FAM186A: variants seen among roughly 807,000 people sequenced by gnomAD.
The protein encoded by FAM186A is family with sequence similarity 186 member A.
In FAM186A, 163 loss-of-function variants were observed where a neutral mutation model predicts 216.8. That is an observed-to-expected ratio of 0.75 (90% confidence interval 0.66 to 0.86). The LOEUF (loss-of-function observed/expected upper bound fraction) is 0.86, where lower values mean the gene tolerates loss of function less well. Among genes scored for constraint, FAM186A ranks in the 40% least tolerant of loss-of-function variants. The pLI is 0.00. For synonymous variants in FAM186A, 805 were observed against 1,025.3 expected, an observed-to-expected ratio of 0.79 and a Z score of 4.10; for missense variants, 2,184 against 2,746.2, an observed-to-expected ratio of 0.80 and a Z score of 4.58.
At position 50,347,459 on chromosome 12, in the gene FAM186A, G is replaced by A. The variant is rs1034624689; in HGVS notation, c.6503+2870C>T. Among the ~76,000 whole-genome samples, 87 of 151,960 alleles carry A rather than the reference G, an allele frequency of 5.7e-4. 1 individual carries two copies. The highest frequency in any genetic ancestry group is 5.2e-4 in the Admixed American group (8 of 15,248). Reference sequence around the variant, plus strand: ...TCAATAGAAAATAATAGCTGGGCGCGGTGGCTCACACCTGTAATCCCAGCA... The same window carrying A: ...TCAATAGAAAATAATAGCTGGGCGCAGTGGCTCACACCTGTAATCCCAGCA... On this transcript the variant is annotated intron_variant, in intron 4 of 7. Transcript: ENST00000327337.
At chr12:50,383,664 G>T (rs1354336819) in intron 1 of FAM186A, among the ~76,000 whole-genome samples, 1 of 152,096 alleles carries the variant, frequency 6.6e-6, no homozygotes, top group Admixed American at 6.6e-5. Flanking sequence ...ACTGGTCTGT[G>T]GTTGTTTTTC....
In FAM186A at chr12:50,396,413, G is replaced by T. The variant is rs1285814335; in HGVS notation, c.72C>A (p.Ile24=). 3 of 1,551,534 alleles carry T rather than the reference G, an allele frequency of 1.9e-6. No individual in the cohort carries two copies. Among genetic ancestry groups the T allele is most frequent in the Non-Finnish European group, 2.6e-6 (3 of 1,146,988 alleles). The change falls in exon 1 of 8, where the codon ATC becomes ATA. Residue 24 remains isoleucine (I), a synonymous_variant. Transcript: ENST00000327337. The stretch of plus-strand genomic sequence containing the variant: ...GGATATTTTGGGGCTCTCTTCTCAT[G>T]ATGGTGGAATCCTTGATGCATTTTT... ...ESEKCIKDST[I]MRREPQNILS... is the part of the protein sequence containing the mutation.
At chr12:50,327,540 C>CTTTTTT (rs781530836) in intron 7 of FAM186A, 136 bp from the exon 8 acceptor site, 2 of 476,082 alleles carry the variant, frequency 4.2e-6, no homozygotes, top group African/African-American at 4.5e-5. Context: ...GTATGTAATC[C>CTTTTTT]TTTTTTTTTT....
intron 4 of FAM186A, among the ~76,000 whole-genome samples, chr12:50,339,449 C>T (rs1279164135): frequency 6.6e-6 from 1 of 152,114 alleles, no homozygotes; most frequent in East Asian, 1.9e-4. Context: ...CCTAGTAATT[C>T]TACTCTCACC....
At position 50,355,079 on chromosome 12, in the gene FAM186A, G is replaced by A. The variant is rs924623684; in HGVS notation, c.1753C>T (p.Leu585=). 32 of 1,551,506 alleles carry A rather than the reference G, an allele frequency of 2.1e-5. No homozygotes were observed. Among genetic ancestry groups the A allele is most frequent in the Middle Eastern group, 1.7e-4 (1 of 6,014 alleles). Residue 585 remains leucine (L), a synonymous_variant, in exon 4 of 8, where the codon CTA becomes TTA. Transcript: ENST00000327337. ...DKEGKGEIRS[L]VEPLSMIQFD... ...TGGATCATACTGAGTGGCTCCACTA[G>A]GCTTCTAATTTCACCTTTGCCCTCT...
chr12:50,359,102 G>A (rs1943006760), intron 3 of FAM186A, among the ~76,000 whole-genome samples: 1 of 150,576 alleles, frequency 6.6e-6, no homozygotes, highest in African/African-American at 2.4e-5. Flanking sequence ...TACTAGGATG[G>A]CCATAATAAA....
At chr12:50,361,859 C>T (rs1362651488) in intron 2 of FAM186A, among the ~76,000 whole-genome samples, 2 of 152,122 alleles carry the variant, frequency 1.3e-5, no homozygotes, top group African/African-American at 4.8e-5. Context: ...GCATGAGCCA[C>T]CGCGCCCGGC....
chr12:50,343,536 A>G (rs913076074), intron 4 of FAM186A, among the ~76,000 whole-genome samples: 1 of 152,060 alleles, frequency 6.6e-6, no homozygotes, highest in Non-Finnish European at 1.5e-5. Context: ...TCCCGGGCTC[A>G]AGCAATTCTC....
At chr12:50,334,243 C>T in intron 4 of FAM186A, 140 bp from the exon 5 acceptor site, 1 of 696,226 alleles carries the variant, frequency 1.4e-6, no homozygotes. Flanking sequence ...GCAATCATGG[C>T]TTATTGCAAC....
intron 2 of FAM186A, among the ~76,000 whole-genome samples, chr12:50,361,330 C>G (rs1410085953): frequency 6.6e-6 from 1 of 152,064 alleles, no homozygotes; most frequent in Non-Finnish European, 1.5e-5. Context: ...TCCCGAGTAG[C>G]TGGGATTACA....
intron 1 of FAM186A, among the ~76,000 whole-genome samples, chr12:50,393,645 A>G (rs530721815): frequency 2.0e-5 from 3 of 152,088 alleles, no homozygotes; most frequent in Admixed American, 6.6e-5. Context: ...TCAGGAGTCC[A>G]AGACCAGCCT....
rs768132429 is a variant in FAM186A, at chr12:50,360,886, T to C, written c.453A>G (p.Glu151=). The C allele has an allele frequency of 5.2e-5, 81 of 1,549,998 alleles. No individual in the cohort carries two copies. Among genetic ancestry groups the C allele is most frequent in the Non-Finnish European group, 6.9e-5 (79 of 1,146,552 alleles). ...LSEMTLMDVD[E]HHHWIAQMEL... ...CCATTTGTGCTATCCAGTGGTGGTGTTCATCAACATCCATTAGAGTCATCT... is the reference window on the plus strand; with the variant it reads ...CCATTTGTGCTATCCAGTGGTGGTGCTCATCAACATCCATTAGAGTCATCT... Residue 151 remains glutamate (E), a synonymous_variant, in exon 3 of 8, where the codon GAA becomes GAG. Transcript: ENST00000327337.
chr12:50,346,941 C>T (rs1376346755), intron 4 of FAM186A, among the ~76,000 whole-genome samples: 2 of 148,908 alleles, frequency 1.3e-5, no homozygotes, highest in Non-Finnish European at 3.0e-5. Context: ...CACACAAACC[C>T]GAACAACAAA....
At position 50,363,309 on chromosome 12, in the gene FAM186A, C is replaced by G. The variant is rs1409944929; in HGVS notation, c.248G>C (p.Arg83Pro). The change falls in exon 2 of 8, where the codon CGC becomes CCC. Residue 83 changes from arginine to proline, a missense_variant. Arg to Pro is a moderately radical substitution (Grantham distance 103). This residue lies in a region of FAM186A where 1,132 missense variants were observed against 1,263.4 expected (regional missense o/e 0.90). Transcript: ENST00000327337. Reference sequence around the variant, plus strand: ...GGACGAGTTAAAAACAAGAGTATAGCGAGTCATTATCCGATGCACATTGTT... The same window carrying G: ...GGACGAGTTAAAAACAAGAGTATAGGGAGTCATTATCCGATGCACATTGTT... ...IMNNVHRIMTRYTLVFNSSSE... is the reference protein window; with the variant it reads ...IMNNVHRIMTPYTLVFNSSSE... 4 of 1,551,360 alleles carry G rather than the reference C, an allele frequency of 2.6e-6. No homozygotes were observed. Among genetic ancestry groups the G allele is most frequent in the Non-Finnish European group, 3.5e-6 (4 of 1,146,924 alleles).
At chr12:50,390,158 G>A (rs188790488) in intron 1 of FAM186A, among the ~76,000 whole-genome samples, 3 of 152,250 alleles carry the variant, frequency 2.0e-5, no homozygotes, top group East Asian at 3.9e-4. Context: ...TTTGATTAAT[G>A]GGTAGACCAC....
Position 50,350,580 on chromosome 12 carries a change from A to G in FAM186A, c.6252T>C (p.Asp2084=). Residue 2084 remains aspartate (D), a synonymous_variant, in exon 4 of 8, where the codon GAT becomes GAC. Transcript: ENST00000327337. ...DKPWILSSVS[D]TKKPKVMVPP... is the part of the protein sequence containing the mutation. Reference sequence around the variant, plus strand: ...GCACCATTACTTTGGGTTTCTTGGTATCTGAAACTGAACTCAGTATCCAGG... The same window carrying G: ...GCACCATTACTTTGGGTTTCTTGGTGTCTGAAACTGAACTCAGTATCCAGG... 1.9e-6 allele frequency: 3 copies of G among 1,551,652 alleles called. No homozygotes were observed. Among genetic ancestry groups the G allele is most frequent in the Non-Finnish European group, 2.6e-6 (3 of 1,146,990 alleles).
At chr12:50,369,383 C>T (rs1420503754) in intron 1 of FAM186A, among the ~76,000 whole-genome samples, 2 of 149,578 alleles carry the variant, frequency 1.3e-5, no homozygotes, top group African/African-American at 4.9e-5. Flanking sequence ...CCCAACTACT[C>T]GGGAGGCTGA....
intron 4 of FAM186A, among the ~76,000 whole-genome samples, chr12:50,341,661 C>G (rs1273475988): frequency 6.6e-6 from 1 of 152,050 alleles, no homozygotes; most frequent in Non-Finnish European, 1.5e-5. Context: ...ATGGTGAAAC[C>G]CTGTCTCTAC....
intron 4 of FAM186A, among the ~76,000 whole-genome samples, chr12:50,350,077 C>T (rs1164484635): frequency 2.0e-5 from 3 of 152,042 alleles, no homozygotes; most frequent in Admixed American, 2.0e-4. Context: ...AACCATGATC[C>T]ACAAAATATA....
Sources: allele counts gnomAD v4.1 joint callset (sites outside exome capture counted in the v4.1 genomes callset), GRCh38; gene constraint gnomAD v4.1.1; regional missense constraint gnomAD v4.1.1; transcripts MANE v1.5; gene names NCBI Gene and HGNC (gene_info 2026-07-23, HGNC 2026-07-21).